PHEX: variants seen among roughly 807,000 people sequenced by gnomAD.
The protein encoded by PHEX is phosphate-regulating neutral endopeptidase PHEX.
PHEX carries 16 observed loss-of-function variants against 68.0 expected under a neutral mutation model. That is an observed-to-expected ratio of 0.24 (90% CI 0.16 to 0.36). The LOEUF (loss-of-function observed/expected upper bound fraction) is 0.36. Among genes scored for constraint, PHEX ranks in the 10% least tolerant of loss-of-function variants. The pLI is 1.00. For missense variants in PHEX, 480 were observed against 575.5 expected (o/e 0.83, Z 1.70); for synonymous variants, 208 against 205.1 (o/e 1.01, Z -0.12).
At chrX:22,210,509 T>A (rs994802622) in intron 15 of PHEX, among the ~76,000 whole-genome samples, 2 of 112,178 alleles carry the variant, frequency 1.8e-5, no homozygotes, top group Non-Finnish European at 3.8e-5. Context: ...TGCTTTTTGA[T>A]GATTTATTAT....
At chrX:22,183,751 T>C (rs1384044668) in intron 14 of PHEX, among the ~76,000 whole-genome samples, 2 of 111,556 alleles carry the variant, frequency 1.8e-5, no homozygotes, top group East Asian at 5.6e-4. Flanking sequence ...TTGAAGGGTT[T>C]CACCAATTTT....
chrX:22,083,356 C>T (rs1929480120), intron 5 of PHEX, among the ~76,000 whole-genome samples: 1 of 111,635 alleles, frequency 9.0e-6, no homozygotes, highest in Non-Finnish European at 1.9e-5. Context: ...TGGGGTCTTT[C>T]GTGGTTCCAT....
At chrX:22,113,564 G>T (rs1931087591) in intron 10 of PHEX, among the ~76,000 whole-genome samples, 1 of 111,946 alleles carries the variant, frequency 8.9e-6, no homozygotes, top group Admixed American at 9.5e-5. Flanking sequence ...AATTGGGACA[G>T]ATGGGCAAAG....
chrX:22,081,149 G>A (rs1015028799), intron 5 of PHEX, among the ~76,000 whole-genome samples: 2 of 110,281 alleles, frequency 1.8e-5, no homozygotes, highest in Non-Finnish European at 3.8e-5. Context: ...GTGGGAAACT[G>A]AACCTTAGTC....
At chrX:22,040,131 C>T (rs975665503) in intron 2 of PHEX, among the ~76,000 whole-genome samples, 4 of 111,868 alleles carry the variant, frequency 3.6e-5, no homozygotes, top group Non-Finnish European at 7.5e-5. Context: ...TTCTAGCCCT[C>T]ACCCTCATTC....
At chrX:22,225,335 C>T (rs1935455036) in intron 18 of PHEX, among the ~76,000 whole-genome samples, 2 of 111,157 alleles carry the variant, frequency 1.8e-5, no homozygotes, top group African/African-American at 6.6e-5. Context: ...TTTATTTTTC[C>T]AGCTTCATTT....
At chrX:22,081,065 C>T (rs1929372227) in intron 5 of PHEX, among the ~76,000 whole-genome samples, 1 of 111,270 alleles carries the variant, frequency 9.0e-6, no homozygotes, top group Admixed American at 9.6e-5. Flanking sequence ...AGAGCTCAAA[C>T]TCAGTAGTGC....
At chrX:22,212,866 A>G (rs1195059055) in intron 15 of PHEX, 38 bp from the exon 16 acceptor site, 1 of 1,059,932 alleles carries the variant, frequency 9.4e-7, no homozygotes, top group East Asian at 3.0e-5. Flanking sequence ...CATTGAATCA[A>G]TCTCTCTATA....
intron 3 of PHEX, among the ~76,000 whole-genome samples, chrX:22,068,829 T>G (rs1193669565): frequency 9.0e-6 from 1 of 111,546 alleles, no homozygotes; most frequent in Non-Finnish European, 1.9e-5. Flanking sequence ...AACGTTAAGA[T>G]GGATAAAATA....
chrX:22,163,694 C>T (rs1396313530), intron 12 of PHEX, among the ~76,000 whole-genome samples: 1 of 112,158 alleles, frequency 8.9e-6, no homozygotes, highest in East Asian at 2.8e-4. Context: ...TCAGCATTTA[C>T]AGTGGGACTT....
chrX:22,239,510 T>G (rs1023339506), intron 20 of PHEX, among the ~76,000 whole-genome samples: 4 of 110,760 alleles, frequency 3.6e-5, no homozygotes, highest in Non-Finnish European at 7.6e-5. Context: ...TTAGAGGAAC[T>G]GCTAACTAGA....
At chrX:22,092,100 G>A (rs767151817) in intron 6 of PHEX, among the ~76,000 whole-genome samples, 8 of 111,646 alleles carry the variant, frequency 7.2e-5, no homozygotes, top group Non-Finnish European at 1.1e-4. Context: ...CCTTCACTGC[G>A]TTGGAACCAG....
intron 2 of PHEX, among the ~76,000 whole-genome samples, chrX:22,041,265 C>CTCTCTCTCTCTCTATATATATA (rs1468778300): frequency 1.4e-5 from 1 of 72,825 alleles, no homozygotes; most frequent in African/African-American, 6.3e-5. Context: ...CTCTCTCTCT[C>CTCTCTCTCTCTCTATATATATA]TATATATATA....
At chrX:22,076,720 T>G (rs1929168362) in intron 4 of PHEX, among the ~76,000 whole-genome samples, 1 of 112,151 alleles carries the variant, frequency 8.9e-6, no homozygotes, top group East Asian at 2.8e-4. Flanking sequence ...ATTTACTCCC[T>G]GAGAAACTTA....
chrX:22,242,028 G>C (rs1365595653), intron 20 of PHEX, among the ~76,000 whole-genome samples: 1 of 111,764 alleles, frequency 8.9e-6, no homozygotes, highest in Non-Finnish European at 1.9e-5. Flanking sequence ...AAAATCCTCA[G>C]TAAGATATTG....
chrX:22,107,766 C>A (rs2147057904), intron 9 of PHEX, among the ~76,000 whole-genome samples: 1 of 111,876 alleles, frequency 8.9e-6, no homozygotes. Flanking sequence ...TAGTGTCTAC[C>A]AAATCATTAT....
At chrX:22,058,506 C>T (rs553309649) in intron 3 of PHEX, among the ~76,000 whole-genome samples, 1 of 112,208 alleles carries the variant, frequency 8.9e-6, no homozygotes, top group Admixed American at 9.5e-5. Flanking sequence ...AAACTCCCCA[C>T]ATGCCTGTAA....
intron 3 of PHEX, among the ~76,000 whole-genome samples, chrX:22,054,549 C>T (rs1168908229): frequency 1.8e-5 from 2 of 111,728 alleles, no homozygotes; most frequent in East Asian, 5.6e-4. Flanking sequence ...CTAGTGAAAA[C>T]TCAGCTTCTG....
intron 5 of PHEX, among the ~76,000 whole-genome samples, chrX:22,079,785 AGGGTAATCTAATAGCT>A (rs1288460345): frequency 9.0e-6 from 1 of 111,479 alleles, no homozygotes; most frequent in Non-Finnish European, 1.9e-5. Context: ...GACTGTTTTC[AGGGTAATCTAATAGCT>A]GATGAAAGTT....
Sources: gnomAD v4.1 joint callset for allele counts (sites outside exome capture counted in the v4.1 genomes callset) on GRCh38, gnomAD v4.1.1 for gene constraint, MANE v1.5 for transcripts, NCBI Gene and HGNC (gene_info 2026-07-23, HGNC 2026-07-21) for gene names.